The following CTNS variants were observed in gnomAD, a reference collection of about 807,000 sequenced individuals.
CTNS encodes the protein cystinosin.
CTNS carries 27 observed loss-of-function variants against 43.7 expected under a neutral mutation model. That is an observed-to-expected ratio of 0.62 (90% CI 0.46 to 0.85). CTNS has a LOEUF of 0.85. Ranked by LOEUF, CTNS falls within the 40% of genes least tolerant of loss-of-function variation. The pLI, the probability that CTNS is intolerant of heterozygous loss-of-function variation, is 0.00. For synonymous variants in CTNS, 187 were observed against 190.6 expected (o/e 0.98, Z 0.16); for missense variants, 457 against 475.4 (o/e 0.96, Z 0.36).
rs2075866714 is a variant in CTNS at position 3,647,341 on chromosome 17, G to C, written c.62-103G>C. ...ATCACAGAATAGGGCTCGTCAGAGA[G>C]TCAGAGCTCAGGAGTTCAGATGTCA... On this transcript the variant is annotated intron_variant, in intron 3 of 11. Transcript: ENST00000046640. 6.2e-6 allele frequency: 6 copies of C among 969,700 alleles called. No homozygotes were observed. In the South Asian group the frequency reaches 6.6e-5, roughly 11 times the overall value. The allele number at this position is 969,700 out of a possible 1,614,324, so 60.1% of individuals were successfully genotyped here. A position where few individuals can be genotyped will look rare whatever the true frequency, so the allele number is the denominator to read the frequency against.
rs1026721848 is a variant in CTNS, at chr17:3,661,062, G to A, written c.*693G>A. 2.6e-6 allele frequency: 1 copy of A among 392,134 alleles called. No homozygotes were observed. Among genetic ancestry groups the A allele is most frequent in the African/African-American group, 2.1e-5 (1 of 48,438 alleles). 24.3% of individuals were successfully genotyped at this position (392,134 alleles called of 1,614,324 possible). ...ATTTTTTGGAGGGACGTTTGGAAGT[G>A]GCTTACTCTCTTCTGCCCTCTCTCC... On this transcript the variant is annotated 3_prime_UTR_variant, in exon 12 of 12. Coordinates refer to ENST00000046640, the MANE Select transcript of CTNS (RefSeq NM_004937.3).
chr17:3,641,447 A>C (rs1463440598), intron 3 of CTNS, among the ~76,000 whole-genome samples: 5 of 119,368 alleles, frequency 4.2e-5, no homozygotes, highest in Non-Finnish European at 6.4e-5. Flanking sequence ...GCTGGTGTGC[A>C]GTGGCACGAT....
At position 3,660,924 on chromosome 17, in the gene CTNS, T is replaced by C. The variant is rs1048646; in HGVS notation, c.*555T>C. 168,003 of 827,820 alleles carry C rather than the reference T, an allele frequency of 0.2. 17,924 individuals are homozygous for C. Among genetic ancestry groups the C allele is most frequent in the East Asian group, 0.24 (9,015 of 36,938 alleles). The allele number at this position is 827,820 out of a possible 1,614,324, so 51.3% of individuals were successfully genotyped here. On this transcript the variant is annotated 3_prime_UTR_variant, in exon 12 of 12. Coordinates refer to ENST00000046640, the MANE Select transcript of CTNS (RefSeq NM_004937.3). Reference sequence around the variant, plus strand: ...CTCTCTGTACATAACTCAGCGTCCGTGACTGCAGTAACAGCCAGCCCTACC... The same window carrying C: ...CTCTCTGTACATAACTCAGCGTCCGCGACTGCAGTAACAGCCAGCCCTACC...
chr17:3,659,746 C>T, intron 10 of CTNS, 112 bp from the exon 11 acceptor site: 2 of 783,418 alleles, frequency 2.6e-6, no homozygotes, highest in Admixed American at 1.9e-5. Flanking sequence ...GAGCCAAGGC[C>T]CCAGTGGGAG....
Position 3,660,905 on chromosome 17 carries a change from G to C in CTNS, c.*536G>C. Reference sequence around the variant, plus strand: ...AGGCCACTTTCCTGACGTACTCTCTGTACATAACTCAGCGTCCGTGACTGC... The same window carrying C: ...AGGCCACTTTCCTGACGTACTCTCTCTACATAACTCAGCGTCCGTGACTGC... On this transcript the variant is annotated 3_prime_UTR_variant, in exon 12 of 12. Coordinates refer to ENST00000046640, the MANE Select transcript of CTNS (RefSeq NM_004937.3). 1.0e-6 allele frequency: 1 copy of C among 987,656 alleles called. No homozygotes were observed. The highest frequency in any genetic ancestry group is 2.6e-5 in the East Asian group (1 of 37,992). The allele number at this position is 987,656 out of a possible 1,614,324, so 61.2% of individuals were successfully genotyped here. A position where few individuals can be genotyped will look rare whatever the true frequency, so the allele number is the denominator to read the frequency against.
Position 3,650,180 on chromosome 17 carries a change from G to A in CTNS, c.225+1249G>A, listed in dbSNP as rs76182859. The A allele has an allele frequency of 1.4e-3, 2,243 of 1,550,346 alleles. 25 individuals carry two copies. The African/African-American group carries it at 0.027, about 18-fold the overall frequency. On this transcript the variant is annotated intron_variant, in intron 5 of 11. Coordinates refer to ENST00000046640, the MANE Select transcript of CTNS (RefSeq NM_004937.3). ...CAATGATACCTTAATAAAGCTGGTG[G>A]AAGCAGGAGGAGAAGAATGCAGGGA...
intron 4 of CTNS, 128 bp from the exon 5 acceptor site, chr17:3,648,719 G>C: frequency 1.2e-6 from 1 of 801,308 alleles, no homozygotes; most frequent in Non-Finnish European, 2.2e-6. Flanking sequence ...CTACCCATCA[G>C]GGTGGAGCAC....
chr17:3,646,497 C>G (rs2075847137), intron 3 of CTNS, among the ~76,000 whole-genome samples: 1 of 152,114 alleles, frequency 6.6e-6, no homozygotes, highest in Admixed American at 6.5e-5. Context: ...CCATGTTGGC[C>G]AGGACGGTCT....
chr17:3,660,328 T>G lies in CTNS; in HGVS notation c.1063T>G (p.Cys355Gly). The change falls in exon 12 of 12, where the codon TGT becomes GGT. Residue 355 changes from cysteine (C) to glycine (G), a missense_variant. By Grantham distance (159) the Cys-to-Gly change is radical. Coordinates refer to ENST00000046640, the MANE Select transcript of CTNS (RefSeq NM_004937.3). ...FDVVFFIQHF[C>G]LYRKRPGYDQ... Reference sequence around the variant, plus strand: ...CGTCGTCTTCTTCATCCAGCACTTCTGTTTGTACAGAAAGAGACCGGGGTA... The same window carrying G: ...CGTCGTCTTCTTCATCCAGCACTTCGGTTTGTACAGAAAGAGACCGGGGTA... The G allele has an allele frequency of 6.2e-7, 1 of 1,614,240 alleles. No individual in the cohort carries two copies. The highest frequency in any genetic ancestry group is 8.5e-7 in the Non-Finnish European group (1 of 1,180,048).
Position 3,640,221 on chromosome 17 carries a change from GCTGA to G in CTNS, c.18_21del (p.Thr7PhefsTer7), listed in dbSNP as rs786204501. 60 of 1,613,938 alleles carry G rather than the reference GCTGA, an allele frequency of 3.7e-5. No individual in the cohort carries two copies. The highest frequency in any genetic ancestry group is 1.6e-4 in the South Asian group (15 of 91,086). Reference sequence around the variant, plus strand: ...AATCGAGAAACATGATAAGGAATTGGCTGACTATTTTTATCCTTTTTCCCCTGAA... The same window carrying G: ...AATCGAGAAACATGATAAGGAATTGGCTATTTTTATCCTTTTTCCCCTGAA... On this transcript the variant is annotated frameshift_variant, in exon 3 of 12. Coordinates refer to ENST00000046640, the MANE Select transcript of CTNS (RefSeq NM_004937.3). LOFTEE classifies it high-confidence loss of function.
rs184380136 is a variant in CTNS at position 3,662,772 on chromosome 17, T to G, written c.*2403T>G. On this transcript the variant is annotated 3_prime_UTR_variant, in exon 12 of 12. Coordinates refer to ENST00000046640, the MANE Select transcript of CTNS (RefSeq NM_004937.3). The stretch of plus-strand genomic sequence containing the variant: ...GCTTTCAGGCAGGTGGGCCTGGGAG[T>G]AGTTGAGCTTTGTCCCAGAACAGTG... The G allele has an allele frequency of 1.3e-5, 2 of 151,912 alleles. No homozygotes were observed. Among genetic ancestry groups the G allele is most frequent in the Admixed American group, 6.6e-5 (1 of 15,250 alleles). The allele number at this position is 151,912 out of a possible 1,614,324, so 9.4% of individuals were successfully genotyped here. A position where few individuals can be genotyped will look rare whatever the true frequency, so the allele number is the denominator to read the frequency against.
intron 7 of CTNS, chr17:3,655,993 G>A (rs1005005800): frequency 1.6e-5 from 5 of 310,664 alleles, no homozygotes; most frequent in African/African-American, 2.2e-5. Flanking sequence ...GAGAAGGGCC[G>A]AGTCCTCCTT....
At position 3,640,134 on chromosome 17, in the gene CTNS, G is replaced by A. The variant is rs111824707; in HGVS notation, c.-19-54G>A. 4 of 1,408,182 alleles carry A rather than the reference G, an allele frequency of 2.8e-6. No homozygotes were observed. In the Admixed American group the frequency reaches 5.0e-5, roughly 18 times the overall value. The allele number at this position is 1,408,182 out of a possible 1,614,324, so 87.2% of individuals were successfully genotyped here. On this transcript the variant is annotated intron_variant, in intron 2 of 11. Coordinates refer to ENST00000046640, the MANE Select transcript of CTNS (RefSeq NM_004937.3). ...CCAGAGGGCAGATTGTCTACAGGGA[G>A]CTGAGCTGATTCAACATTCCCCTGA... is the stretch of plus-strand genomic sequence containing the variant.
At chr17:3,640,803 C>A (rs1323397657) in intron 3 of CTNS, among the ~76,000 whole-genome samples, 1 of 152,138 alleles carries the variant, frequency 6.6e-6, no homozygotes, top group African/African-American at 2.4e-5. Context: ...ACTTGGGAGG[C>A]TGAGGCAGGA....
At chr17:3,659,823 C>A in intron 10 of CTNS, 35 bp from the exon 11 acceptor site, 2 of 1,540,538 alleles carry the variant, frequency 1.3e-6, no homozygotes, top group South Asian at 1.1e-5. Flanking sequence ...CAGCCCTCAC[C>A]GCCCTCCGTC....
At chr17:3,657,312 G>A (rs575987581) in intron 9 of CTNS, among the ~76,000 whole-genome samples, 2 of 152,322 alleles carry the variant, frequency 1.3e-5, no homozygotes, top group East Asian at 3.9e-4. Flanking sequence ...CCGCGTGCAG[G>A]CGGAGACACC....
In CTNS at chr17:3,660,807, G is replaced by C; in HGVS notation, c.*438G>C. The C allele has an allele frequency of 1.2e-6, 2 of 1,601,318 alleles. No individual in the cohort carries two copies. The highest frequency in any genetic ancestry group is 1.7e-6 in the Non-Finnish European group (2 of 1,174,894). The stretch of plus-strand genomic sequence containing the variant: ...CCCAGAGATCAAGCAGCCCGGTGCC[G>C]TGGCCAGTGAACTCAGAGGTGCTGG... On this transcript the variant is annotated 3_prime_UTR_variant, in exon 12 of 12. Transcript: ENST00000046640.
chr17:3,653,676 G>A (rs1332039844), intron 5 of CTNS, among the ~76,000 whole-genome samples: 2 of 152,146 alleles, frequency 1.3e-5, no homozygotes, highest in Non-Finnish European at 2.9e-5. Context: ...GGGAGTTTGA[G>A]ACCAGGCTGA....
chr17:3,637,758 C>T (rs916961746), intron 2 of CTNS, among the ~76,000 whole-genome samples: 1 of 152,140 alleles, frequency 6.6e-6, no homozygotes, highest in Non-Finnish European at 1.5e-5. Flanking sequence ...TGAGCCACCG[C>T]GCCCAGCCTA....
Sources: allele counts gnomAD v4.1 joint callset (sites outside exome capture counted in the v4.1 genomes callset), GRCh38; gene constraint gnomAD v4.1.1; transcripts MANE v1.5; gene names NCBI Gene and HGNC (gene_info 2026-07-23, HGNC 2026-07-21).